The following AGBL4 variants were observed in gnomAD, a reference collection of about 807,000 sequenced individuals.
AGBL4 encodes cytosolic carboxypeptidase 6.
AGBL4 carries 58 observed loss-of-function variants against 66.4 expected under a neutral mutation model. The ratio of observed to expected loss-of-function variants is 0.87; its 90% CI spans 0.71 to 1.09. The LOEUF (loss-of-function observed/expected upper bound fraction) is 1.09. AGBL4 is among the 50% of genes least tolerant of loss of function. AGBL4 has a pLI of 0.00. For missense variants in AGBL4, 579 were observed against 631.0 expected, an observed-to-expected ratio of 0.92 and a Z score of 0.88; for synonymous variants, 234 against 222.9, an observed-to-expected ratio of 1.05 and a Z score of -0.44.
chr1:49,844,370 C>A (rs1197593485), intron 2 of AGBL4, among the ~76,000 whole-genome samples: 1 of 152,212 alleles, frequency 6.6e-6, no homozygotes, highest in African/African-American at 2.4e-5. Context: ...GGCATCCCCT[C>A]TGCACCCTCC....
chr1:49,746,355 A>G (rs951718832), intron 2 of AGBL4, among the ~76,000 whole-genome samples: 1 of 152,002 alleles, frequency 6.6e-6, no homozygotes, highest in African/African-American at 2.4e-5. Context: ...CATCATATTC[A>G]TATCTCCAAC....
intron 3 of AGBL4, among the ~76,000 whole-genome samples, chr1:49,587,562 AC>A (rs1644674736): frequency 6.6e-6 from 1 of 151,980 alleles, no homozygotes; most frequent in South Asian, 2.1e-4. Flanking sequence ...TAAATTAAAT[AC>A]CCGCTAGCTG....
At chr1:50,018,863 G>A (rs958260611) in intron 1 of AGBL4, among the ~76,000 whole-genome samples, 1 of 152,004 alleles carries the variant, frequency 6.6e-6, no homozygotes, top group Non-Finnish European at 1.5e-5. Flanking sequence ...CTAAAAGTGA[G>A]AAAAATATTT....
Position 49,407,065 on chromosome 1 carries a change from CAAAAAAAAAAA to C in AGBL4, c.283-161212_283-161202del, listed in dbSNP as rs57974289. Among the ~76,000 whole-genome samples, 8 of 25,928 alleles carry C rather than the reference CAAAAAAAAAAA, an allele frequency of 3.1e-4. No homozygotes were observed. The South Asian group carries it at 7.0e-3, about 23-fold the overall frequency. The allele number at this position is 25,928 out of a possible 152,430, so 17.0% of individuals were successfully genotyped here. ...GGGCGACAGAGTGAGACTCTGCCTC[CAAAAAAAAAAA>C]AAAAAAAAAAAAAAAGAAAGGACAA... On this transcript the variant is annotated intron_variant, in intron 3 of 13. Coordinates refer to ENST00000371839, the MANE Select transcript of AGBL4 (RefSeq NM_032785.4).
chr1:49,593,273 G>A (rs1571127453), intron 3 of AGBL4, among the ~76,000 whole-genome samples: 2 of 152,190 alleles, frequency 1.3e-5, no homozygotes, highest in East Asian at 1.9e-4. Flanking sequence ...CGGGTGTGGT[G>A]GCAGGCGCCT....
At chr1:49,237,123 C>T (rs1283393942) in intron 4 of AGBL4, among the ~76,000 whole-genome samples, 14 of 151,614 alleles carry the variant, frequency 9.2e-5, no homozygotes, top group Admixed American at 7.9e-4. Flanking sequence ...ATTAGCTGGA[C>T]ATGGTGGCAG....
chr1:49,414,524 A>C (rs556155635), intron 3 of AGBL4, among the ~76,000 whole-genome samples: 4 of 152,290 alleles, frequency 2.6e-5, no homozygotes, highest in Non-Finnish European at 5.9e-5. Flanking sequence ...GAATTACTAC[A>C]TCTGTCAATG....
At chr1:49,641,746 T>C (rs1000067018) in intron 3 of AGBL4, among the ~76,000 whole-genome samples, 1 of 152,080 alleles carries the variant, frequency 6.6e-6, no homozygotes, top group African/African-American at 2.4e-5. Context: ...ATATCAACTA[T>C]TGCTGTTGCT....
At chr1:48,717,540 G>A (rs187173130) in intron 6 of AGBL4, among the ~76,000 whole-genome samples, 6 of 152,228 alleles carry the variant, frequency 3.9e-5, no homozygotes, top group East Asian at 3.9e-4. Context: ...GTGTGCGCGC[G>A]TGCATGCAGG....
intron 1 of AGBL4, among the ~76,000 whole-genome samples, chr1:49,871,528 C>A (rs901146924): frequency 6.6e-6 from 1 of 152,064 alleles, no homozygotes; most frequent in African/African-American, 2.4e-5. Context: ...TTTCCAAAAT[C>A]TAATTCTATG....
intron 6 of AGBL4, among the ~76,000 whole-genome samples, chr1:48,824,399 G>T (rs941670939): frequency 3.9e-5 from 6 of 152,210 alleles, no homozygotes; most frequent in Non-Finnish European, 8.8e-5. Context: ...GGAATAGATA[G>T]GTTAGGAAGA....
At chr1:49,845,505 T>C (rs1320617140) in intron 2 of AGBL4, 3 of 1,577,220 alleles carry the variant, frequency 1.9e-6, no homozygotes, top group East Asian at 2.2e-5. Flanking sequence ...ATCAGTGTGG[T>C]GAGTGTGGCA....
chr1:48,987,305 G>C (rs1487275448), intron 5 of AGBL4, among the ~76,000 whole-genome samples: 1 of 151,720 alleles, frequency 6.6e-6, no homozygotes, highest in East Asian at 1.9e-4. Context: ...GACATAAATA[G>C]ATTAAAAGTA....
At chr1:48,637,521 T>C (rs1360079393) in intron 8 of AGBL4, among the ~76,000 whole-genome samples, 1 of 152,182 alleles carries the variant, frequency 6.6e-6, no homozygotes, top group African/African-American at 2.4e-5. Flanking sequence ...TATCTCTTTG[T>C]TCCCTGGAAG....
intron 3 of AGBL4, among the ~76,000 whole-genome samples, chr1:49,563,799 G>A (rs1644118780): frequency 6.6e-6 from 1 of 152,026 alleles, no homozygotes; most frequent in Non-Finnish European, 1.5e-5. Flanking sequence ...GCCCGGCTTT[G>A]GTATCAGGAT....
intron 4 of AGBL4, among the ~76,000 whole-genome samples, chr1:49,161,070 C>T (rs1015879181): frequency 2.0e-5 from 3 of 152,022 alleles, no homozygotes; most frequent in African/African-American, 7.2e-5. Context: ...AGTTCTGTCT[C>T]GCTGGCATTT....
At chr1:49,913,676 T>C (rs546953642) in intron 1 of AGBL4, among the ~76,000 whole-genome samples, 1 of 152,366 alleles carries the variant, frequency 6.6e-6, no homozygotes, top group South Asian at 2.1e-4. Context: ...CTGCAGCAGG[T>C]TGCTGCCTGG....
intron 3 of AGBL4, among the ~76,000 whole-genome samples, chr1:49,561,802 T>C (rs1343900632): frequency 2.0e-5 from 3 of 152,162 alleles, no homozygotes; most frequent in Admixed American, 6.5e-5. Flanking sequence ...GCATGATTTA[T>C]AATCCTTTGG....
intron 2 of AGBL4, among the ~76,000 whole-genome samples, chr1:49,834,553 G>T (rs1323502253): frequency 6.6e-6 from 1 of 151,506 alleles, no homozygotes; most frequent in African/African-American, 2.4e-5. Context: ...TCATTGAAGG[G>T]TTTTTTGTGT....
Sources: gnomAD v4.1 joint callset for allele counts (sites outside exome capture counted in the v4.1 genomes callset) on GRCh38, gnomAD v4.1.1 for gene constraint, MANE v1.5 for transcripts, NCBI Gene and HGNC (gene_info 2026-07-23, HGNC 2026-07-21) for gene names.